TJP1: variants seen among roughly 807,000 people sequenced by gnomAD.
TJP1 encodes tight junction protein 1, also known as tight junction protein ZO-1.
Under a neutral mutation model 194.2 loss-of-function variants are expected in TJP1, and 43 were observed. The ratio of observed to expected loss-of-function variants is 0.22; its 90% CI spans 0.17 to 0.29. TJP1 has a LOEUF of 0.29. Among genes scored for constraint, TJP1 ranks in the 10% least tolerant of loss-of-function variants. The probability of loss-of-function intolerance (pLI) is 1.00; values close to 1 mark genes in which losing one functional copy is unlikely to be tolerated. For missense variants in TJP1, 1,971 were observed against 2,185.7 expected, an observed-to-expected ratio of 0.90 and a Z score of 1.96; for synonymous variants, 801 against 779.0, an observed-to-expected ratio of 1.03 and a Z score of -0.47.
intron 2 of TJP1, among the ~76,000 whole-genome samples, chr15:29,840,872 T>G (rs1183463725): frequency 6.6e-6 from 1 of 152,080 alleles, no homozygotes; most frequent in African/African-American, 2.4e-5. Context: ...GAGCAAGGGC[T>G]AAGGGTACAG....
In TJP1 at chr15:29,765,195, C is replaced by A. The variant is rs187737100; in HGVS notation, c.589+1071G>T. 3.9e-3 allele frequency among the ~76,000 whole-genome samples: 588 copies of A among 152,208 alleles called. 5 individuals are homozygous for A. Among genetic ancestry groups the A allele is most frequent in the African/African-American group, 0.014 (563 of 41,538 alleles). On this transcript the variant is annotated intron_variant, in intron 5 of 27. Coordinates refer to ENST00000614355, the MANE Select transcript of TJP1 (RefSeq NM_001330239.4). ...AAACTTCCACTAGATTTAGTGTGAA[C>A]ATTTTTGGGGGCAGAGCGGAAAAGA...
At chr15:29,879,940 A>T (rs2052865567) in intron 2 of TJP1, among the ~76,000 whole-genome samples, 1 of 152,160 alleles carries the variant, frequency 6.6e-6, no homozygotes, top group Admixed American at 6.5e-5. Flanking sequence ...ACCAATTTAT[A>T]ACATTAGATA....
chr15:29,749,288 A>G (rs1209123667), intron 8 of TJP1, among the ~76,000 whole-genome samples: 1 of 152,146 alleles, frequency 6.6e-6, no homozygotes, highest in Non-Finnish European at 1.5e-5. Flanking sequence ...GAGAGATTTT[A>G]TAGGTCACAT....
chr15:29,968,585 C>A, intron 1 of TJP1: 1 of 894,484 alleles, frequency 1.1e-6, no homozygotes, highest in Non-Finnish European at 1.3e-6. Context: ...CCGCCCCGGC[C>A]GCCGCTCGCT....
chr15:29,966,408 G>A (rs1195362085), intron 1 of TJP1, among the ~76,000 whole-genome samples: 1 of 152,108 alleles, frequency 6.6e-6, no homozygotes, highest in Non-Finnish European at 1.5e-5. Context: ...GGAGGCTGAG[G>A]CAGGAGAATC....
chr15:29,765,814 C>T (rs1164874607), intron 5 of TJP1, among the ~76,000 whole-genome samples: 1 of 152,144 alleles, frequency 6.6e-6, no homozygotes, highest in African/African-American at 2.4e-5. Context: ...ACTGCTTGAG[C>T]CTGGGAAGCA....
At chr15:29,766,598 A>G in intron 4 of TJP1, 56 bp from the exon 5 acceptor site, 1 of 1,480,554 alleles carries the variant, frequency 6.8e-7, no homozygotes, top group Admixed American at 2.4e-5. Flanking sequence ...ATGTACGTTC[A>G]GTTCCAAAGA....
intron 2 of TJP1, among the ~76,000 whole-genome samples, chr15:29,940,233 G>C (rs2055022685): frequency 6.6e-6 from 1 of 152,068 alleles, no homozygotes; most frequent in African/African-American, 2.4e-5. Flanking sequence ...TAAATCATAG[G>C]GGAGACAAAG....
chr15:29,833,239 G>A (rs937033176), intron 2 of TJP1, among the ~76,000 whole-genome samples: 7 of 152,080 alleles, frequency 4.6e-5, no homozygotes, highest in African/African-American at 1.7e-4. Flanking sequence ...AAAAGCTCAA[G>A]TAAATCTGAT....
chr15:29,918,276 C>T (rs1244317967), intron 2 of TJP1, among the ~76,000 whole-genome samples: 1 of 152,172 alleles, frequency 6.6e-6, no homozygotes, highest in African/African-American at 2.4e-5. Flanking sequence ...TTGCGAATAT[C>T]GCCGCTATGA....
intron 2 of TJP1, among the ~76,000 whole-genome samples, chr15:29,780,766 C>T (rs2047318992): frequency 6.6e-6 from 1 of 151,848 alleles, no homozygotes; most frequent in South Asian, 2.1e-4. Context: ...GAATTCGAGA[C>T]CAAATCTGAA....
At chr15:29,837,883 G>A (rs961601188) in intron 2 of TJP1, among the ~76,000 whole-genome samples, 6 of 152,154 alleles carry the variant, frequency 3.9e-5, no homozygotes, top group East Asian at 1.9e-4. Flanking sequence ...ACTGATTCCT[G>A]GTATCAATCC....
chr15:29,843,629 C>T (rs1321065652), intron 2 of TJP1, among the ~76,000 whole-genome samples: 1 of 152,146 alleles, frequency 6.6e-6, no homozygotes, highest in African/African-American at 2.4e-5. Flanking sequence ...CCCACAGCTT[C>T]CATTGTACTA....
At chr15:29,709,417 GA>G (rs1223048169) in intron 24 of TJP1, among the ~76,000 whole-genome samples, 4 of 152,140 alleles carry the variant, frequency 2.6e-5, no homozygotes, top group Non-Finnish European at 5.9e-5. Flanking sequence ...CACTAGAATG[GA>G]AAAACCGAAA....
chr15:29,937,896 TA>T (rs146235411), intron 2 of TJP1, among the ~76,000 whole-genome samples: 3 of 152,110 alleles, frequency 2.0e-5, no homozygotes, highest in Admixed American at 1.3e-4. Flanking sequence ...TAGGTTACAC[TA>T]AAAAAAATTA....
At chr15:29,847,649 G>A (rs2051467692) in intron 2 of TJP1, among the ~76,000 whole-genome samples, 2 of 152,118 alleles carry the variant, frequency 1.3e-5, no homozygotes, top group African/African-American at 4.8e-5. Context: ...GCCGGGCGAG[G>A]TGGTGCGTGC....
intron 2 of TJP1, among the ~76,000 whole-genome samples, chr15:29,849,179 T>C (rs1567131844): frequency 6.6e-6 from 1 of 152,118 alleles, no homozygotes; most frequent in Non-Finnish European, 1.5e-5. Context: ...AAAATAATTT[T>C]CTTCACGAAA....
chr15:29,807,743 A>G (rs1365819079), intron 1 of TJP1, among the ~76,000 whole-genome samples: 1 of 152,188 alleles, frequency 6.6e-6, no homozygotes, highest in East Asian at 1.9e-4. Flanking sequence ...ACTAAAGAAG[A>G]GTTTAACTTT....
At chr15:29,867,035 T>C (rs753936731) in intron 2 of TJP1, among the ~76,000 whole-genome samples, 4 of 152,232 alleles carry the variant, frequency 2.6e-5, no homozygotes, top group Non-Finnish European at 4.4e-5. Context: ...TCCAGTTGTT[T>C]CTGTGTTCTC....
Sources: gnomAD v4.1 joint callset for allele counts (sites outside exome capture counted in the v4.1 genomes callset) on GRCh38, gnomAD v4.1.1 for gene constraint, MANE v1.5 for transcripts, NCBI Gene and HGNC (gene_info 2026-07-23, HGNC 2026-07-21) for gene names.